ZBTB10: variants seen among roughly 807,000 people sequenced by gnomAD.
ZBTB10 encodes the protein zinc finger and BTB domain containing 10.
A neutral mutation model predicts 76.4 loss-of-function variants in ZBTB10; 32 were observed. The observed-to-expected ratio is 0.42, with a 90% confidence interval of 0.32 to 0.56. The LOEUF (loss-of-function observed/expected upper bound fraction) is 0.56, where lower values mean the gene tolerates loss of function less well. Among genes scored for constraint, ZBTB10 ranks in the 20% least tolerant of loss-of-function variants. The pLI is 0.14. For synonymous variants in ZBTB10, 523 were observed against 432.9 expected (o/e 1.21, Z -2.58); for missense variants, 1,057 against 1,098.5 (o/e 0.96, Z 0.53).
chr8:80,519,664 A>C lies in ZBTB10; in HGVS notation c.*136A>C. 1 of 1,097,894 alleles carries C rather than the reference A, an allele frequency of 9.1e-7. No individual in the cohort carries two copies. The highest frequency in any genetic ancestry group is 1.3e-6 in the Non-Finnish European group (1 of 790,492). 68.0% of individuals were successfully genotyped at this position (1,097,894 alleles called of 1,614,324 possible). A position where few individuals can be genotyped will look rare whatever the true frequency, so the allele number is the denominator to read the frequency against. On this transcript the variant is annotated 3_prime_UTR_variant, in exon 6 of 6. Coordinates refer to ENST00000455036, the MANE Select transcript of ZBTB10 (RefSeq NM_001105539.3). ...ATGTTGCTGTGAAAACTGTAGGGTC[A>C]AAGCCTTATAGCAAAAAAAATTTTT...
Position 80,521,131 on chromosome 8 carries a change from C to A in ZBTB10, c.*1603C>A, listed in dbSNP as rs1221114861. The A allele has an allele frequency of 6.6e-6, 1 of 151,876 alleles. No individual in the cohort carries two copies. Among genetic ancestry groups the A allele is most frequent in the African/African-American group, 2.4e-5 (1 of 41,418 alleles). 9.4% of individuals were successfully genotyped at this position (151,876 alleles called of 1,614,324 possible). On this transcript the variant is annotated 3_prime_UTR_variant, in exon 6 of 6. Coordinates refer to ENST00000455036, the MANE Select transcript of ZBTB10 (RefSeq NM_001105539.3). ...ATGTTTTTTAAGAGACAAGCTTTAT[C>A]ATTGTCTCTGATTTCAGTAGAATAA...
In ZBTB10 at chr8:80,487,198, G is replaced by A; in HGVS notation, c.388G>A (p.Gly130Ser). 1 of 1,540,180 alleles carries A rather than the reference G, an allele frequency of 6.5e-7. No individual in the cohort carries two copies. Among genetic ancestry groups the A allele is most frequent in the Non-Finnish European group, 8.7e-7 (1 of 1,145,246 alleles). ...RRTLAFRGGGGGGLGNNGSSR... is the reference protein window; with the variant it reads ...RRTLAFRGGGSGGLGNNGSSR... ...GACTCTGGCCTTCCGAGGCGGCGGCGGCGGGGGTCTCGGCAACAATGGCAG... is the reference window on the plus strand; with the variant it reads ...GACTCTGGCCTTCCGAGGCGGCGGCAGCGGGGGTCTCGGCAACAATGGCAG... The change falls in exon 1 of 6, where the codon GGC becomes AGC. Residue 130 changes from glycine (G) to serine (S), a missense_variant. Gly to Ser is a moderately conservative substitution (Grantham distance 56). Transcript: ENST00000455036.
chr8:80,508,658 T>C (rs1816117036), intron 2 of ZBTB10, among the ~76,000 whole-genome samples: 1 of 152,080 alleles, frequency 6.6e-6, no homozygotes, highest in Non-Finnish European at 1.5e-5. Flanking sequence ...AGTGGATCTT[T>C]TGTTATGTAG....
intron 1 of ZBTB10, among the ~76,000 whole-genome samples, chr8:80,498,345 ATTATT>A (rs1160647650): frequency 6.6e-6 from 1 of 152,200 alleles, no homozygotes; most frequent in African/African-American, 2.4e-5. Flanking sequence ...TATATATTTT[ATTATT>A]TTATAGAAAT....
intron 1 of ZBTB10, among the ~76,000 whole-genome samples, chr8:80,489,930 G>T (rs1041197049): frequency 6.6e-6 from 1 of 152,024 alleles, no homozygotes; most frequent in Non-Finnish European, 1.5e-5. Context: ...AATCTTGAGG[G>T]GATATCTTGT....
At chr8:80,511,277 T>C (rs576596819) in intron 2 of ZBTB10, among the ~76,000 whole-genome samples, 1 of 152,198 alleles carries the variant, frequency 6.6e-6, no homozygotes, top group Non-Finnish European at 1.5e-5. Flanking sequence ...TATAATACTT[T>C]AGGGCTAGGG....
intron 1 of ZBTB10, 94 bp downstream of exon 1, chr8:80,487,876 C>T: frequency 7.2e-7 from 1 of 1,382,000 alleles, no homozygotes; most frequent in Non-Finnish European, 9.6e-7. Flanking sequence ...AAAAAAACCT[C>T]AAAACCATTT....
Position 80,498,805 on chromosome 8 carries a change from A to G in ZBTB10, c.973-689A>G, listed in dbSNP as rs116053206. Among the ~76,000 whole-genome samples the G allele has an allele frequency of 5.7e-3, 873 of 152,326 alleles. 10 individuals are homozygous for G. The highest frequency in any genetic ancestry group is 0.02 in the African/African-American group (834 of 41,566). ...GTATGATAAGAAGCAAAATTTATAA[A>G]CATTTAGAATTTTGAATTCAGGAAT... is the stretch of plus-strand genomic sequence containing the variant. On this transcript the variant is annotated intron_variant, in intron 1 of 5. Transcript: ENST00000455036.
chr8:80,504,679 T>TA (rs1816007154), intron 2 of ZBTB10, among the ~76,000 whole-genome samples: 1 of 152,146 alleles, frequency 6.6e-6, no homozygotes, highest in Non-Finnish European at 1.5e-5. Context: ...ATGGAATAAT[T>TA]AAAACTGTCA....
At chr8:80,496,174 T>C (rs445036) in intron 1 of ZBTB10, among the ~76,000 whole-genome samples, 67,912 of 152,050 alleles carry the variant, frequency 0.45, 19,607 homozygotes, top group African/African-American at 0.83. Context: ...TAGGGACCTA[T>C]TTTGAGATTT....
chr8:80,485,909 C>G (rs535684247), upstream of ZBTB10: 7 of 1,531,090 alleles, frequency 4.6e-6, no homozygotes, highest in South Asian at 1.2e-5. Context: ...GGGGAGGCGG[C>G]CAGACCCTGA....
chr8:80,489,973 C>T (rs1815581092), intron 1 of ZBTB10, among the ~76,000 whole-genome samples: 1 of 152,168 alleles, frequency 6.6e-6, no homozygotes, highest in African/African-American at 2.4e-5. Context: ...TATATAAATA[C>T]CTGTTTGTCT....
rs1181498827 is a variant in ZBTB10, at chr8:80,521,820, G to A, written c.*2292G>A. The stretch of plus-strand genomic sequence containing the variant: ...TTGTTTGGTTTTAGTTGGAAATAAG[G>A]TTTGATGTAGATGGCTTGTTACTGT... On this transcript the variant is annotated 3_prime_UTR_variant, in exon 6 of 6. Transcript: ENST00000455036. 2 of 151,778 alleles carry A rather than the reference G, an allele frequency of 1.3e-5. No homozygotes were observed. The highest frequency in any genetic ancestry group is 4.8e-5 in the African/African-American group (2 of 41,400). The allele number at this position is 151,778 out of a possible 1,614,324, so 9.4% of individuals were successfully genotyped here. A position where few individuals can be genotyped will look rare whatever the true frequency, so the allele number is the denominator to read the frequency against.
intron 3 of ZBTB10, among the ~76,000 whole-genome samples, chr8:80,515,273 A>T (rs1000938257): frequency 2.0e-5 from 3 of 152,200 alleles, no homozygotes; most frequent in Admixed American, 2.0e-4. Context: ...TTGAAGATAG[A>T]TATGGATGTT....
intron 4 of ZBTB10, 36 bp downstream of exon 4, chr8:80,518,615 TTAAA>T (rs1273533417): frequency 6.6e-7 from 1 of 1,522,378 alleles, no homozygotes; most frequent in Non-Finnish European, 8.8e-7. Flanking sequence ...ACAGAATTAA[TTAAA>T]TAATTGTTAA....
chr8:80,486,874 AGCG>A lies in ZBTB10; in HGVS notation c.73_75del (p.Gly25del), dbSNP rs1276762462. 6.6e-7 allele frequency: 1 copy of A among 1,511,816 alleles called. No individual in the cohort carries two copies. The highest frequency in any genetic ancestry group is 8.8e-7 in the Non-Finnish European group (1 of 1,132,328). The allele number at this position is 1,511,816 out of a possible 1,614,324, so 93.7% of individuals were successfully genotyped here. On this transcript the variant is annotated inframe_deletion, in exon 1 of 6. Coordinates refer to ENST00000455036, the MANE Select transcript of ZBTB10 (RefSeq NM_001105539.3). ...CCGAGGAGGCGGGTTGGTCACCGCT[AGCG>A]GCGGCGGCTCCACGAACAATAACGC...
chr8:80,501,128 A>G (rs1815914059), intron 2 of ZBTB10, among the ~76,000 whole-genome samples: 1 of 152,110 alleles, frequency 6.6e-6, no homozygotes, highest in African/African-American at 2.4e-5. Context: ...GGCCTCCCAA[A>G]GTGCTGGGAT....
chr8:80,508,514 C>A (rs551083418), intron 2 of ZBTB10, among the ~76,000 whole-genome samples: 1 of 152,264 alleles, frequency 6.6e-6, no homozygotes, highest in Admixed American at 6.5e-5. Context: ...AATAGGGTGA[C>A]TGTGGGGTAG....
At chr8:80,496,354 T>G (rs934090097) in intron 1 of ZBTB10, among the ~76,000 whole-genome samples, 2 of 138,478 alleles carry the variant, frequency 1.4e-5, no homozygotes, top group African/African-American at 6.9e-5. Flanking sequence ...AAGGTCATAT[T>G]TATTTATGTG....
Sources: gnomAD v4.1 joint callset for allele counts (sites outside exome capture counted in the v4.1 genomes callset) on GRCh38, gnomAD v4.1.1 for gene constraint, MANE v1.5 for transcripts, NCBI Gene and HGNC (gene_info 2026-07-23, HGNC 2026-07-21) for gene names.